TCF20: variants seen among roughly 807,000 people sequenced by gnomAD.
TCF20 encodes the protein transcription factor 20, also known as SPRE-binding protein.
Under a neutral mutation model 148.6 loss-of-function variants are expected in TCF20, and 3 were observed. That is an observed-to-expected ratio of 0.02 (90% CI 0.01 to 0.05). The LOEUF (loss-of-function observed/expected upper bound fraction) is 0.05. Among genes scored for constraint, TCF20 ranks in the 10% least tolerant of loss-of-function variants. The probability of loss-of-function intolerance (pLI) is 1.00; values close to 1 mark genes in which losing one functional copy is unlikely to be tolerated. For synonymous variants in TCF20, 1,049 were observed against 909.5 expected (o/e 1.15, Z -2.76); for missense variants, 2,350 against 2,429.3 (o/e 0.97, Z 0.69).
intron 2 of TCF20, among the ~76,000 whole-genome samples, chr22:42,201,599 C>T (rs757909709): frequency 7.2e-5 from 11 of 152,096 alleles, no homozygotes; most frequent in Non-Finnish European, 1.5e-4. Context: ...GAAACCCCGT[C>T]TCTACTAAAA....
intron 1 of TCF20, among the ~76,000 whole-genome samples, chr22:42,306,182 C>T (rs545808177): frequency 6.6e-5 from 10 of 152,374 alleles, no homozygotes; most frequent in African/African-American, 1.4e-4. Context: ...CCGCTGTGCG[C>T]GCCGCTGCCA....
At chr22:42,197,236 C>T (rs1351377516) in intron 2 of TCF20, among the ~76,000 whole-genome samples, 12 of 152,166 alleles carry the variant, frequency 7.9e-5, no homozygotes, top group Admixed American at 5.9e-4. Flanking sequence ...ATAGTTTAGC[C>T]TCCACCAAGG....
At chr22:42,231,354 T>A (rs1351507884) in intron 1 of TCF20, among the ~76,000 whole-genome samples, 1 of 152,004 alleles carries the variant, frequency 6.6e-6, no homozygotes, top group African/African-American at 2.4e-5. Context: ...CACGGTGGTA[T>A]GCACCTGTAG....
intron 1 of TCF20, among the ~76,000 whole-genome samples, chr22:42,277,466 G>A (rs1239315945): frequency 6.6e-6 from 1 of 152,220 alleles, no homozygotes; most frequent in Non-Finnish European, 1.5e-5. Flanking sequence ...TAGGACATTT[G>A]AGCTGAGGCC....
chr22:42,162,682 CCTAA>C (rs1237971219), intron 5 of TCF20, among the ~76,000 whole-genome samples: 12 of 152,198 alleles, frequency 7.9e-5, no homozygotes, highest in Non-Finnish European at 1.3e-4. Flanking sequence ...CTGGGGCTCA[CCTAA>C]CTGCTTCCTC....
chr22:42,295,571 G>A (rs1411527110), intron 1 of TCF20, among the ~76,000 whole-genome samples: 1 of 151,806 alleles, frequency 6.6e-6, no homozygotes, highest in Non-Finnish European at 1.5e-5. Flanking sequence ...AGCCTCCTGA[G>A]GAGCTGGGAT....
chr22:42,267,207 C>T (rs920723439), intron 1 of TCF20, among the ~76,000 whole-genome samples: 1 of 152,098 alleles, frequency 6.6e-6, no homozygotes, highest in Non-Finnish European at 1.5e-5. Context: ...GCTGAGGTTG[C>T]AGTGAGCCAA....
At chr22:42,239,547 G>A (rs185764039) in intron 1 of TCF20, among the ~76,000 whole-genome samples, 6 of 151,944 alleles carry the variant, frequency 3.9e-5, no homozygotes, top group Non-Finnish European at 8.8e-5. Flanking sequence ...CAGCACTTTG[G>A]GAGGCTGAGG....
chr22:42,262,964 T>C (rs1384128748), intron 1 of TCF20, among the ~76,000 whole-genome samples: 2 of 152,232 alleles, frequency 1.3e-5, no homozygotes, highest in East Asian at 1.9e-4. Context: ...CAGTCCAGTG[T>C]CTTAGTACAT....
At chr22:42,234,452 G>T (rs183639242) in intron 1 of TCF20, among the ~76,000 whole-genome samples, 21 of 152,312 alleles carry the variant, frequency 1.4e-4, no homozygotes, top group South Asian at 1.2e-3. Context: ...ATGCAGGCAT[G>T]GGAGGAATAT....
chr22:42,214,212 C>T lies in TCF20; in HGVS notation c.1094G>A (p.Ser365Asn). The T allele has an allele frequency of 1.2e-6, 2 of 1,614,178 alleles. No homozygotes were observed. Among genetic ancestry groups the T allele is most frequent in the Non-Finnish European group, 1.7e-6 (2 of 1,180,028 alleles). Residue 365 changes from serine (S) to asparagine (N), a missense_variant, in exon 2 of 6, where the codon AGC (serine) becomes AAC (asparagine). Ser to Asn is a conservative substitution (Grantham distance 46, BLOSUM62 1). Around this residue, in one of 7 missense-constraint regions of TCF20, gnomAD observed 1,641 missense variants for 1,662.6 expected, o/e 0.99. Transcript: ENST00000677622. ...AGCTGGAGAAGGGTTAGAAATGGGG[C>T]TGAAGTTCTGGTGAAACTGCATGGG... ...RSPMQFHQNF[S>N]PISNPSPAAS...
intron 1 of TCF20, among the ~76,000 whole-genome samples, chr22:42,310,070 G>A (rs207478003): frequency 1.8e-4 from 28 of 152,236 alleles, no homozygotes; most frequent in Non-Finnish European, 3.4e-4. Flanking sequence ...TCCCAGAAAA[G>A]GTGGACTTTG....
At chr22:42,200,863 C>T (rs1187129484) in intron 2 of TCF20, among the ~76,000 whole-genome samples, 4 of 152,136 alleles carry the variant, frequency 2.6e-5, no homozygotes, top group South Asian at 2.1e-4. Context: ...GTGACTTACA[C>T]GCTTAGAAAT....
chr22:42,232,943 CAG>C (rs940855952), intron 1 of TCF20, among the ~76,000 whole-genome samples: 30 of 151,934 alleles, frequency 2.0e-4, no homozygotes, highest in Non-Finnish European at 3.5e-4. Context: ...TGTTTTGAGA[CAG>C]AGTCTCCCTC....
At chr22:42,205,744 T>A (rs746652972) in intron 2 of TCF20, among the ~76,000 whole-genome samples, 2 of 152,182 alleles carry the variant, frequency 1.3e-5, no homozygotes, top group Non-Finnish European at 2.9e-5. Context: ...TAGTGGTACA[T>A]CAGCTCAAAG....
chr22:42,216,816 T>C (rs1921857846), intron 1 of TCF20, among the ~76,000 whole-genome samples: 1 of 152,218 alleles, frequency 6.6e-6, no homozygotes, highest in African/African-American at 2.4e-5. Context: ...CACTTTGTAT[T>C]ACCTATTATA....
chr22:42,204,531 T>C (rs1938258299), intron 2 of TCF20, among the ~76,000 whole-genome samples: 1 of 151,802 alleles, frequency 6.6e-6, no homozygotes, highest in East Asian at 1.9e-4. Context: ...ATATAATCTT[T>C]AATATATTGA....
chr22:42,213,549 G>T lies in TCF20; in HGVS notation c.1757C>A (p.Ala586Asp), dbSNP rs771036806. ...AAREEATSPG[A>D]KDMPLSSDGN... The stretch of plus-strand genomic sequence containing the variant: ...GTCGGATGACAATGGCATGTCCTTA[G>T]CGCCTGGTGAGGTGGCCTCTTCTCT... The change falls in exon 2 of 6, where the codon GCT becomes GAT. Residue 586 changes from alanine (A) to aspartate (D), a missense_variant. By Grantham distance (126) the Ala-to-Asp change is moderately radical. Transcript: ENST00000677622. 6.2e-7 allele frequency: 1 copy of T among 1,614,126 alleles called. No individual in the cohort carries two copies. The highest frequency in any genetic ancestry group is 8.5e-7 in the Non-Finnish European group (1 of 1,180,026).
At position 42,322,666 on chromosome 22, in the gene TCF20, CTGAG is replaced by C. The variant is rs573348745; in HGVS notation, c.-37+20809_-37+20812del. 1.4e-4 allele frequency among the ~76,000 whole-genome samples: 22 copies of C among 151,872 alleles called. No homozygotes were observed. The South Asian group carries it at 3.7e-3, about 26-fold the overall frequency. ...AATGAGTGAGTGAGTGAGCAAGCGC[CTGAG>C]TGAGTGAGCACCTGAGGGAATGAAT... On this transcript the variant is annotated intron_variant, in intron 1 of 1. Transcript: ENST00000515426.
Sources: gnomAD v4.1 joint callset for allele counts (sites outside exome capture counted in the v4.1 genomes callset) on GRCh38, gnomAD v4.1.1 for gene constraint, gnomAD v4.1.1 regional missense constraint, MANE v1.5 for transcripts, NCBI Gene and HGNC (gene_info 2026-07-23, HGNC 2026-07-21) for gene names.